DSN1: variants seen among roughly 807,000 people sequenced by gnomAD.
DSN1 encodes DSN1 component of MIS12 kinetochore complex.
Under a neutral mutation model 45.7 loss-of-function variants are expected in DSN1, and 31 were observed. That is an observed-to-expected ratio of 0.68 (90% CI 0.51 to 0.92). The LOEUF is 0.92. Among genes scored for constraint, DSN1 ranks in the 40% least tolerant of loss-of-function variants. The pLI is 0.00. For missense variants in DSN1, 394 were observed against 414.2 expected (o/e 0.95, Z 0.42); for synonymous variants, 134 against 142.3 (o/e 0.94, Z 0.41).
chr20:36,773,519 T>C, intron 1 of DSN1, 143 bp downstream of exon 1: 1 of 986,000 alleles, frequency 1.0e-6, no homozygotes, highest in African/African-American at 1.7e-5. Flanking sequence ...ACCCCCAGTG[T>C]CCACGGTCGG....
chr20:36,767,914 T>A, intron 4 of DSN1, 55 bp downstream of exon 4: 1 of 1,561,812 alleles, frequency 6.4e-7, no homozygotes, highest in Non-Finnish European at 8.8e-7. Flanking sequence ...AACAAAAGAT[T>A]GTCACAATAG....
At chr20:36,762,600 T>C (rs1601012937) in intron 5 of DSN1, 52 bp from the exon 6 acceptor site, 2 of 1,531,044 alleles carry the variant, frequency 1.3e-6, no homozygotes, top group Middle Eastern at 2.0e-4. Context: ...TACGTTTTCA[T>C]AGTGAGATGC....
rs887092290 is a variant in DSN1, at chr20:36,773,524, G to A, written c.-16+138C>T. 15 of 985,886 alleles carry A rather than the reference G, an allele frequency of 1.5e-5. No individual in the cohort carries two copies. The South Asian group carries it at 4.6e-4, about 30-fold the overall frequency. The allele number at this position is 985,886 out of a possible 1,614,324, so 61.1% of individuals were successfully genotyped here. On this transcript the variant is annotated intron_variant, in intron 1 of 10. Transcript: ENST00000373750. The stretch of plus-strand genomic sequence containing the variant: ...GCCCTCGGGGACCCCCAGTGTCCAC[G>A]GTCGGGGCCGGGGCTGCGGCGGGTC...
intron 6 of DSN1, among the ~76,000 whole-genome samples, chr20:36,761,985 G>A (rs1156659493): frequency 6.6e-6 from 1 of 151,732 alleles, no homozygotes; most frequent in Non-Finnish European, 1.5e-5. Flanking sequence ...CTCCAGCCTG[G>A]GGTACAGAGC....
chr20:36,756,272 G>A (rs1190158134), intron 8 of DSN1, among the ~76,000 whole-genome samples: 1 of 152,046 alleles, frequency 6.6e-6, no homozygotes, highest in African/African-American at 2.4e-5. Flanking sequence ...GAGCCACCGC[G>A]CCTGGCCTTA....
intron 1 of DSN1, 97 bp downstream of exon 1, chr20:36,773,565 G>C: frequency 2.0e-6 from 2 of 985,930 alleles, no homozygotes; most frequent in Non-Finnish European, 2.4e-6. Flanking sequence ...GGGCCGACGG[G>C]TACGACGCCG....
At chr20:36,756,403 C>A (rs1242191654) in intron 8 of DSN1, among the ~76,000 whole-genome samples, 1 of 152,126 alleles carries the variant, frequency 6.6e-6, no homozygotes, top group Non-Finnish European at 1.5e-5. Context: ...ACCAGAAGGA[C>A]TATACTTGGG....
chr20:36,760,157 T>C (rs1986895671), intron 6 of DSN1, among the ~76,000 whole-genome samples: 2 of 151,954 alleles, frequency 1.3e-5, no homozygotes, highest in African/African-American at 4.8e-5. Context: ...GGCAGGAGAA[T>C]TGCTTGAGCC....
chr20:36,773,385 A>C, intron 1 of DSN1: 1 of 985,520 alleles, frequency 1.0e-6, no homozygotes, highest in Non-Finnish European at 1.2e-6. Flanking sequence ...CCCTCTACCC[A>C]GTCCTCACCC....
intron 1 of DSN1, 55 bp from the exon 2 acceptor site, chr20:36,771,528 T>A: frequency 6.4e-7 from 1 of 1,554,558 alleles, no homozygotes; most frequent in African/African-American, 1.4e-5. Flanking sequence ...GCAGTCTCAA[T>A]GGGGCTTTAC....
intron 5 of DSN1, among the ~76,000 whole-genome samples, chr20:36,766,155 C>T (rs1436918506): frequency 1.5e-5 from 2 of 135,690 alleles, no homozygotes; most frequent in Admixed American, 8.2e-5. Flanking sequence ...GACTGTGCCA[C>T]TGTATTCCAG....
chr20:36,753,635 CAA>C (rs1290145844), intron 10 of DSN1, among the ~76,000 whole-genome samples: 13 of 49,870 alleles, frequency 2.6e-4, no homozygotes, highest in Non-Finnish European at 2.5e-4. Context: ...GAGACTGTCT[CAA>C]AAAAAAAAAA....
intron 8 of DSN1, among the ~76,000 whole-genome samples, chr20:36,756,417 G>T (rs1027059197): frequency 6.6e-6 from 1 of 152,132 alleles, no homozygotes; most frequent in African/African-American, 2.4e-5. Context: ...ACTTGGGAGA[G>T]AGTGAAGCCA....
Position 36,755,723 on chromosome 20 carries a change from A to C in DSN1, c.832T>G (p.Leu278Val). Residue 278 changes from leucine (L) to valine (V), a missense_variant, in exon 9 of 11, where the codon TTA (leucine) becomes GTA (valine). Leu to Val is a conservative substitution (Grantham distance 32, BLOSUM62 1). Coordinates refer to ENST00000373750, the MANE Select transcript of DSN1 (RefSeq NM_001145315.2). ...LNTKPDYQKILQNQSKVFDCM... is the reference protein window; with the variant it reads ...LNTKPDYQKIVQNQSKVFDCM... The stretch of plus-strand genomic sequence containing the variant: ...TCAAAGACTTTGCTCTGGTTCTGTA[A>C]TATTTTCTGGTAGTCAGGTTTTGTA... The C allele has an allele frequency of 6.2e-7, 1 of 1,614,070 alleles. No individual in the cohort carries two copies. Among genetic ancestry groups the C allele is most frequent in the South Asian group, 1.1e-5 (1 of 91,084 alleles).
intron 6 of DSN1, among the ~76,000 whole-genome samples, chr20:36,760,457 T>C (rs1011589938): frequency 6.6e-6 from 1 of 152,198 alleles, no homozygotes; most frequent in Admixed American, 6.5e-5. Context: ...TGCCAAAATA[T>C]TTTATATGTA....
Position 36,751,991 on chromosome 20 carries a change from G to A in DSN1, c.*797C>T, listed in dbSNP as rs970435507. 1 of 152,086 alleles carries A rather than the reference G, an allele frequency of 6.6e-6. No homozygotes were observed. Among genetic ancestry groups the A allele is most frequent in the Non-Finnish European group, 1.5e-5 (1 of 68,026 alleles). 9.4% of individuals were successfully genotyped at this position (152,086 alleles called of 1,614,324 possible). On this transcript the variant is annotated 3_prime_UTR_variant, in exon 11 of 11. Transcript: ENST00000373750. Reference sequence around the variant, plus strand: ...GTATTTCCTTCAAATTGAACATCTTGTGAAGTGACATATGTATCCCAATGA... The same window carrying A: ...GTATTTCCTTCAAATTGAACATCTTATGAAGTGACATATGTATCCCAATGA...
intron 1 of DSN1, 84 bp from the exon 2 acceptor site, chr20:36,771,557 C>T: frequency 7.5e-7 from 1 of 1,335,664 alleles, no homozygotes; most frequent in Non-Finnish European, 1.1e-6. Context: ...AATAAATAGG[C>T]CGTGTGCTTT....
intron 3 of DSN1, among the ~76,000 whole-genome samples, chr20:36,770,336 T>C (rs1280999064): frequency 6.6e-6 from 1 of 152,120 alleles, no homozygotes; most frequent in African/African-American, 2.4e-5. Flanking sequence ...AGTGCTGGGA[T>C]TATAGGCATG....
At chr20:36,759,787 C>A (rs1986873825) in intron 6 of DSN1, among the ~76,000 whole-genome samples, 1 of 152,036 alleles carries the variant, frequency 6.6e-6, no homozygotes, top group Admixed American at 6.6e-5. Flanking sequence ...CGGGCTTGCA[C>A]TAGGTAATAG....
Sources: gnomAD v4.1 joint callset for allele counts (sites outside exome capture counted in the v4.1 genomes callset) on GRCh38, gnomAD v4.1.1 for gene constraint, MANE v1.5 for transcripts, NCBI Gene and HGNC (gene_info 2026-07-23, HGNC 2026-07-21) for gene names.